H2BC18: variants seen among roughly 807,000 people sequenced by gnomAD.
The protein encoded by H2BC18 is H2B clustered histone 18.
A neutral mutation model predicts 6.3 loss-of-function variants in H2BC18; 8 were observed. The observed-to-expected ratio is 1.28, with a 90% confidence interval of 0.75 to 2.31. H2BC18 has a LOEUF of 2.31. H2BC18 is among the 30% of genes most tolerant of loss of function. The pLI is 0.00. For missense variants in H2BC18, 106 were observed against 174.5 expected, an observed-to-expected ratio of 0.61 and a Z score of 2.21; for synonymous variants, 104 against 78.1, an observed-to-expected ratio of 1.33 and a Z score of -1.75.
At chr1:149,798,450 A>G (rs1553752992) in intron 1 of H2BC18, among the ~76,000 whole-genome samples, 3 of 152,130 alleles carry the variant, frequency 2.0e-5, no homozygotes, top group Admixed American at 2.0e-4. Flanking sequence ...TCAATTCCTA[A>G]GAAAGGTATA....
chr1:149,785,407 C>CCTTTTTTTTTT (rs1553750700), intron 1 of H2BC18, among the ~76,000 whole-genome samples: 1 of 74,544 alleles, frequency 1.3e-5, no homozygotes, highest in Non-Finnish European at 2.9e-5. Flanking sequence ...AGAGCTGTTT[C>CCTTTTTTTTTT]GTTTTTTTTT....
At chr1:149,810,492 T>C (rs1553754294), downstream of H2BC18, 1 of 152,156 alleles carries the variant, frequency 6.6e-6, no homozygotes. Context: ...CACAAAGTTG[T>C]TAATTCCCCC....
intron 1 of H2BC18, among the ~76,000 whole-genome samples, chr1:149,802,295 C>CA (rs1343693376): frequency 1.3e-5 from 2 of 151,614 alleles, no homozygotes; most frequent in African/African-American, 2.4e-5. Flanking sequence ...TTGAAGAAAC[C>CA]AAAAAAAGCA....
At chr1:149,792,664 G>T (rs1179062759) in intron 1 of H2BC18, 1 of 1,277,398 alleles carries the variant, frequency 7.8e-7, no homozygotes, top group South Asian at 1.2e-5. Flanking sequence ...TCTGGGGGCC[G>T]CAGCCGCCAG....
intron 1 of H2BC18, chr1:149,805,213 C>T (rs2091907113): frequency 6.6e-6 from 1 of 151,956 alleles, no homozygotes; most frequent in South Asian, 2.1e-4. Context: ...TGACAGCAAT[C>T]AGTGATATTG....
At chr1:149,805,243 A>C (rs1165848581) in intron 1 of H2BC18, 1 of 151,920 alleles carries the variant, frequency 6.6e-6, no homozygotes, top group African/African-American at 2.4e-5. Flanking sequence ...TAATTTAAAT[A>C]ATTATCGGGG....
chr1:149,795,271 T>TAAAC (rs1303569931), intron 1 of H2BC18, among the ~76,000 whole-genome samples: 1 of 140,786 alleles, frequency 7.1e-6, no homozygotes, highest in African/African-American at 2.8e-5. Context: ...AATAAATAAA[T>TAAAC]AAATAAATAA....
At chr1:149,788,227 C>A in intron 1 of H2BC18, 2 of 1,578,414 alleles carry the variant, frequency 1.3e-6, no homozygotes, top group Non-Finnish European at 1.7e-6. Flanking sequence ...ATTTGAGGAA[C>A]TGGATATAGG....
intron 1 of H2BC18, chr1:149,788,231 A>G (rs1419696932): frequency 6.3e-7 from 1 of 1,598,130 alleles, no homozygotes; most frequent in African/African-American, 1.3e-5. Context: ...GAGGAACTGG[A>G]TATAGGCCTG....
intron 1 of H2BC18, among the ~76,000 whole-genome samples, chr1:149,799,658 C>A (rs1424052983): frequency 2.0e-5 from 3 of 152,216 alleles, no homozygotes; most frequent in Non-Finnish European, 2.9e-5. Context: ...GTTTTCAATT[C>A]TCCCCTCCTC....
chr1:149,793,233 C>T (rs2091757633), intron 1 of H2BC18: 1 of 1,260,256 alleles, frequency 7.9e-7, no homozygotes, highest in African/African-American at 1.6e-5. Context: ...GCAAGAGCAG[C>T]CGGAGGCGGC....
rs1164568747 is a variant in H2BC18 at position 149,805,143 on chromosome 1, C to CA, written c.377+6803dup. 6 of 152,160 alleles carry CA rather than the reference C, an allele frequency of 3.9e-5. No individual in the cohort carries two copies. The South Asian group carries it at 1.2e-3, about 32-fold the overall frequency. 9.4% of individuals were successfully genotyped at this position (152,160 alleles called of 1,614,324 possible). On this transcript the variant is annotated intron_variant, in intron 1 of 1. Coordinates refer to the H2BC18 transcript ENST00000545683. ...TTTTTCTAGAGGAAAAAAACAACGACAAAAAAACAGGGAGATCTTAGCAGA... is the reference window on the plus strand; with the variant it reads ...TTTTTCTAGAGGAAAAAAACAACGACAAAAAAAACAGGGAGATCTTAGCAGA...
rs781785236 is a variant in H2BC18 at position 149,812,202 on chromosome 1, T to C, written c.122A>G (p.Tyr41Cys). ...KRSRKESYSV[Y>C]VYKVLKQVHP... ...GACCTGCTTCAGCACCTTGTACACGTAAACGGAGTAGCTCTCCTTGCGGCT... is the reference window on the plus strand; with the variant it reads ...GACCTGCTTCAGCACCTTGTACACGCAAACGGAGTAGCTCTCCTTGCGGCT... Residue 41 changes from tyrosine (Y) to cysteine (C), a missense_variant, in exon 1 of 1, where the codon TAC becomes TGC. Tyr to Cys is a radical substitution (Grantham distance 194). This residue lies in a region of H2BC18 where 70 missense variants were observed against 64.6 expected (regional missense o/e 1.08). Coordinates refer to ENST00000369167, the MANE Select transcript of H2BC18 (RefSeq NM_001024599.5). 1 of 1,614,280 alleles carries C rather than the reference T, an allele frequency of 6.2e-7. No individual in the cohort carries two copies. Among genetic ancestry groups the C allele is most frequent in the Non-Finnish European group, 8.5e-7 (1 of 1,180,044 alleles).
intron 1 of H2BC18, chr1:149,784,294 A>G (rs2091481005): frequency 6.2e-7 from 1 of 1,609,442 alleles, no homozygotes; most frequent in South Asian, 1.1e-5. Context: ...CGGAAACCAC[A>G]AGGTCTTCCT....
chr1:149,792,730 C>T (rs1553752183), intron 1 of H2BC18: 2 of 1,283,888 alleles, frequency 1.6e-6, no homozygotes, highest in East Asian at 1.1e-4. Context: ...TCCGCAGCTC[C>T]GCGCCCCCGC....
chr1:149,784,091 T>C (rs782016324), intron 1 of H2BC18: 1 of 1,611,480 alleles, frequency 6.2e-7, no homozygotes, highest in Admixed American at 1.7e-5. Context: ...AGGTGCTCCA[T>C]CTGCCTGGGA....
chr1:149,810,680 A>T (rs1553754328), downstream of H2BC18: 1 of 152,036 alleles, frequency 6.6e-6, no homozygotes, highest in Non-Finnish European at 1.5e-5. Context: ...TTCACCCCAC[A>T]TATTAACTGT....
chr1:149,806,594 C>CAAA lies in H2BC18; in HGVS notation c.377+5350_377+5352dup, dbSNP rs781839663. Among the ~76,000 whole-genome samples the CAAA allele has an allele frequency of 1.0e-3, 136 of 130,640 alleles. 1 individual carries two copies. The highest frequency in any genetic ancestry group is 3.6e-3 in the African/African-American group (128 of 35,128). 85.7% of individuals were successfully genotyped at this position (130,640 alleles called of 152,430 possible). On this transcript the variant is annotated intron_variant, in intron 1 of 1. Transcript: ENST00000545683. Reference sequence around the variant, plus strand: ...CAGAGCGAGACGCGAGACTCCGTCTCAAAAAAAAAAAAAGTTATGAGATAA... The same window carrying CAAA: ...CAGAGCGAGACGCGAGACTCCGTCTCAAAAAAAAAAAAAAAAGTTATGAGATAA...
At chr1:149,805,585 CA>C (rs1442889005) in intron 1 of H2BC18, 2 of 152,146 alleles carry the variant, frequency 1.3e-5, no homozygotes, top group African/African-American at 2.4e-5. Context: ...ATTTCAAACT[CA>C]ATCATTTCTT....
Sources: allele counts gnomAD v4.1 joint callset (sites outside exome capture counted in the v4.1 genomes callset), GRCh38; gene constraint gnomAD v4.1.1; regional missense constraint gnomAD v4.1.1; transcripts MANE v1.5; gene names NCBI Gene and HGNC (gene_info 2026-07-23, HGNC 2026-07-21).